The following THSD4 variants were observed in gnomAD, a reference collection of about 807,000 sequenced individuals.
THSD4 encodes the protein thrombospondin type 1 domain containing 4, also known as thrombospondin type-1 domain-containing protein 4.
In THSD4, 69 loss-of-function variants were observed where a neutral mutation model predicts 119.0. The ratio of observed to expected loss-of-function variants is 0.58; its 90% confidence interval spans 0.48 to 0.71. The LOEUF (loss-of-function observed/expected upper bound fraction) is 0.71. THSD4 is among the 30% of genes least tolerant of loss of function. The pLI is 0.00. For missense variants in THSD4, 1,393 were observed against 1,391.1 expected, an observed-to-expected ratio of 1.00 and a Z score of -0.02; for synonymous variants, 524 against 540.4, an observed-to-expected ratio of 0.97 and a Z score of 0.42.
intron 1 of THSD4, among the ~76,000 whole-genome samples, chr15:71,130,030 C>T (rs1429961576): frequency 6.6e-6 from 1 of 152,104 alleles, no homozygotes; most frequent in Non-Finnish European, 1.5e-5. Flanking sequence ...GGAGCTGTTC[C>T]AGAGTGAATG....
Position 71,256,722 on chromosome 15 carries a change from A to C in THSD4, c.1015+7A>C. ...TGGGAACCATTTGCAGAAGGTAAGA[A>C]TAGACCCAGCCCTGTCCATAGAAGT... On this transcript the variant is annotated splice_region_variant and intron_variant, in intron 6 of 17. Coordinates refer to ENST00000261862, the MANE Select transcript of THSD4 (RefSeq NM_024817.3). 6.2e-7 allele frequency: 1 copy of C among 1,612,022 alleles called. No individual in the cohort carries two copies. Among genetic ancestry groups the C allele is most frequent in the Non-Finnish European group, 8.5e-7 (1 of 1,178,438 alleles).
intron 7 of THSD4, among the ~76,000 whole-genome samples, chr15:71,589,224 A>C (rs1396073117): frequency 7.1e-6 from 1 of 141,620 alleles, no homozygotes; most frequent in Non-Finnish European, 1.6e-5. Context: ...ATGGACTTGA[A>C]TATATTAAAG....
At chr15:71,645,887 G>C (rs1046433858) in intron 7 of THSD4, among the ~76,000 whole-genome samples, 1 of 152,128 alleles carries the variant, frequency 6.6e-6, no homozygotes, top group Non-Finnish European at 1.5e-5. Flanking sequence ...GAAATACCAG[G>C]ACAAAGCAAG....
chr15:71,684,911 C>G lies in THSD4; in HGVS notation c.1357+24177C>G, dbSNP rs542245122. Among the ~76,000 whole-genome samples the G allele has an allele frequency of 3.4e-4, 52 of 152,198 alleles. No homozygotes were observed. The South Asian group carries it at 9.1e-3, about 27-fold the overall frequency. The stretch of plus-strand genomic sequence containing the variant: ...TTACTGCTAACTTGTAACAATTCTT[C>G]TATGGCTGTGAGTCTACTATGTTTT... On this transcript the variant is annotated intron_variant, in intron 8 of 17. Coordinates refer to ENST00000261862, the MANE Select transcript of THSD4 (RefSeq NM_024817.3).
intron 3 of THSD4, among the ~76,000 whole-genome samples, chr15:71,171,178 A>C (rs752308881): frequency 1.2e-4 from 19 of 152,116 alleles, no homozygotes; most frequent in Non-Finnish European, 2.5e-4. Context: ...TGAATCCAAG[A>C]ATGTCAATGA....
intron 7 of THSD4, among the ~76,000 whole-genome samples, chr15:71,447,422 C>G (rs150689650): frequency 6.6e-6 from 1 of 152,176 alleles, no homozygotes; most frequent in East Asian, 1.9e-4. Flanking sequence ...TGAGCCACCA[C>G]GCCCAGCCCT....
chr15:71,285,181 T>C (rs1380797432), intron 6 of THSD4, among the ~76,000 whole-genome samples: 1 of 152,200 alleles, frequency 6.6e-6, no homozygotes, highest in Non-Finnish European at 1.5e-5. Context: ...TTAAATAATT[T>C]ACAGCTAAGC....
chr15:71,462,070 T>C (rs1421766504), intron 7 of THSD4, among the ~76,000 whole-genome samples: 1 of 152,196 alleles, frequency 6.6e-6, no homozygotes, highest in Admixed American at 6.5e-5. Flanking sequence ...AACCTTACAG[T>C]TGGAAGAAAT....
intron 6 of THSD4, among the ~76,000 whole-genome samples, chr15:71,309,697 A>C (rs951370634): frequency 2.6e-5 from 4 of 152,336 alleles, no homozygotes; most frequent in Admixed American, 1.3e-4. Context: ...ATTCTTTTGC[A>C]TGTGGATATC....
intron 8 of THSD4, among the ~76,000 whole-genome samples, chr15:71,724,356 G>A: frequency 6.8e-6 from 1 of 147,814 alleles, no homozygotes; most frequent in Non-Finnish European, 1.5e-5. Context: ...CGTGGTCTCG[G>A]CTCACTGCAA....
chr15:71,478,139 G>T (rs546751325), intron 7 of THSD4, among the ~76,000 whole-genome samples: 11 of 152,270 alleles, frequency 7.2e-5, no homozygotes, highest in Non-Finnish European at 1.6e-4. Context: ...CGGCTGCGTA[G>T]GATTAGATAT....
intron 6 of THSD4, among the ~76,000 whole-genome samples, chr15:71,261,749 T>C (rs1251781613): frequency 2.0e-5 from 3 of 152,198 alleles, no homozygotes; most frequent in African/African-American, 7.2e-5. Context: ...CACTGAGATG[T>C]TGAATCAACT....
intron 6 of THSD4, among the ~76,000 whole-genome samples, chr15:71,259,055 G>T (rs2140291666): frequency 6.6e-6 from 1 of 152,110 alleles, no homozygotes; most frequent in South Asian, 2.1e-4. Context: ...GGAGGTTGTG[G>T]TGAGCTGAGA....
At chr15:71,232,624 T>C (rs2044070811) in intron 4 of THSD4, among the ~76,000 whole-genome samples, 1 of 151,880 alleles carries the variant, frequency 6.6e-6, no homozygotes, top group African/African-American at 2.4e-5. Context: ...GAGCCCCATG[T>C]GTTTGGGAAA....
intron 6 of THSD4, among the ~76,000 whole-genome samples, chr15:71,388,694 A>G (rs956001521): frequency 3.1e-5 from 4 of 128,414 alleles, no homozygotes; most frequent in African/African-American, 8.3e-5. Context: ...GTGTGTGTGT[A>G]GGGAGGGAGC....
At chr15:71,727,206 T>A (rs1044936681) in intron 8 of THSD4, among the ~76,000 whole-genome samples, 2 of 151,978 alleles carry the variant, frequency 1.3e-5, no homozygotes, top group African/African-American at 4.8e-5. Context: ...GATTATAACA[T>A]CTGCTGTGCA....
intron 7 of THSD4, among the ~76,000 whole-genome samples, chr15:71,600,501 G>A (rs1217701942): frequency 1.3e-5 from 2 of 152,096 alleles, no homozygotes; most frequent in African/African-American, 4.8e-5. Context: ...CACATATGAG[G>A]CACTTTCTAA....
intron 6 of THSD4, among the ~76,000 whole-genome samples, chr15:71,390,405 C>T (rs1296150097): frequency 6.6e-6 from 1 of 152,124 alleles, no homozygotes; most frequent in East Asian, 1.9e-4. Flanking sequence ...CTTCCTTTAC[C>T]CTTTTTTACT....
At chr15:71,160,176 A>T (rs767195957) in intron 3 of THSD4, among the ~76,000 whole-genome samples, 1 of 152,052 alleles carries the variant, frequency 6.6e-6, no homozygotes, top group Non-Finnish European at 1.5e-5. Flanking sequence ...ATCCCACTTG[A>T]TATTAGTGAA....
Sources: gnomAD v4.1 joint callset for allele counts (sites outside exome capture counted in the v4.1 genomes callset) on GRCh38, gnomAD v4.1.1 for gene constraint, MANE v1.5 for transcripts, NCBI Gene and HGNC (gene_info 2026-07-23, HGNC 2026-07-21) for gene names.